The following TBXAS1 variants were observed in gnomAD, a reference collection of about 807,000 sequenced individuals.
TBXAS1 encodes thromboxane-A synthase.
A neutral mutation model predicts 60.7 loss-of-function variants in TBXAS1; 48 were observed. The observed-to-expected ratio is 0.79, with a 90% CI of 0.63 to 1.01. The LOEUF (loss-of-function observed/expected upper bound fraction) is 1.01, where lower values mean the gene tolerates loss of function less well. Ranked by LOEUF, TBXAS1 falls within the 50% of genes least tolerant of loss-of-function variation. TBXAS1 has a pLI of 0.00. For missense variants in TBXAS1, 685 were observed against 686.3 expected (o/e 1.00, Z 0.02); for synonymous variants, 287 against 269.7 (o/e 1.06, Z -0.63).
intron 4 of TBXAS1, among the ~76,000 whole-genome samples, chr7:139,922,961 G>T (rs757647129): frequency 1.6e-4 from 24 of 152,226 alleles, no homozygotes; most frequent in Non-Finnish European, 3.2e-4. Context: ...CCATTTCATT[G>T]GTCTTTTTGT....
At chr7:139,881,433 G>A (rs189922063) in intron 3 of TBXAS1, among the ~76,000 whole-genome samples, 34 of 152,110 alleles carry the variant, frequency 2.2e-4, no homozygotes, top group Admixed American at 2.1e-3. Flanking sequence ...TTTGGAAGAT[G>A]GAGTTAGGGA....
intron 4 of TBXAS1, among the ~76,000 whole-genome samples, chr7:139,912,829 C>T (rs1805643803): frequency 6.6e-6 from 1 of 152,230 alleles, no homozygotes; most frequent in Non-Finnish European, 1.5e-5. Flanking sequence ...GAGATGAGTA[C>T]AATTATCATC....
At chr7:139,899,040 T>C (rs1016134654) in intron 3 of TBXAS1, among the ~76,000 whole-genome samples, 28 of 151,600 alleles carry the variant, frequency 1.8e-4, no homozygotes, top group African/African-American at 6.5e-4. Flanking sequence ...AGAAGTCACA[T>C]GCGCTCATTA....
At chr7:139,816,413 G>A (rs1798148852) in intron 4 of TBXAS1, among the ~76,000 whole-genome samples, 1 of 152,196 alleles carries the variant, frequency 6.6e-6, no homozygotes, top group Non-Finnish European at 1.5e-5. Context: ...AAATACAGCA[G>A]CTTCTTCAGA....
chr7:139,955,312 C>T, intron 6 of TBXAS1, 147 bp from the exon 7 acceptor site: 1 of 1,059,572 alleles, frequency 9.4e-7, no homozygotes, highest in East Asian at 2.4e-5. Context: ...CACCTCCCCC[C>T]AGATCTGCAG....
At chr7:139,779,007 T>C (rs960836050) in intron 1 of TBXAS1, among the ~76,000 whole-genome samples, 1 of 152,202 alleles carries the variant, frequency 6.6e-6, no homozygotes, top group African/African-American at 2.4e-5. Flanking sequence ...TGGAATCCAA[T>C]AGAAAATATT....
chr7:139,833,600 A>T (rs1798861313), intron 1 of TBXAS1, among the ~76,000 whole-genome samples: 1 of 151,436 alleles, frequency 6.6e-6, no homozygotes, highest in Admixed American at 6.6e-5. Context: ...CAGGCGAATC[A>T]CTTAAATCTG....
In TBXAS1 at chr7:139,911,099, T is replaced by G; in HGVS notation, c.237-126T>G. On this transcript the variant is annotated intron_variant, in intron 3 of 12. Transcript: ENST00000448866. ...GCTTATGATTGGAACATATGTTTCC[T>G]CATCGTCTCCATACCTTTACTTCCT... The G allele has an allele frequency of 8.6e-6, 7 of 817,904 alleles. No homozygotes were observed. In the South Asian group the frequency reaches 9.7e-5, roughly 11 times the overall value. The allele number at this position is 817,904 out of a possible 1,614,324, so 50.7% of individuals were successfully genotyped here.
At chr7:139,816,303 G>A (rs925875056) in intron 4 of TBXAS1, among the ~76,000 whole-genome samples, 10 of 152,076 alleles carry the variant, frequency 6.6e-5, no homozygotes, top group Admixed American at 6.5e-4. Context: ...TAATACAGAT[G>A]GGAAGTCAGG....
chr7:139,848,752 C>T (rs1799998076), intron 1 of TBXAS1, among the ~76,000 whole-genome samples: 1 of 152,208 alleles, frequency 6.6e-6, no homozygotes, highest in Non-Finnish European at 1.5e-5. Context: ...AAGCAATCCA[C>T]ATGCCCAAGG....
At chr7:139,845,496 C>T (rs1462600095) in intron 1 of TBXAS1, among the ~76,000 whole-genome samples, 1 of 152,114 alleles carries the variant, frequency 6.6e-6, no homozygotes, top group East Asian at 1.9e-4. Context: ...TAGGTTCTTG[C>T]CCCAATGTAC....
intron 1 of TBXAS1, among the ~76,000 whole-genome samples, chr7:139,865,923 G>A (rs68092875): frequency 0.25 from 36,824 of 144,442 alleles, 5,122 homozygotes; most frequent in South Asian, 0.49. Context: ...GAAAGAGGGA[G>A]GGAAGGAAGG....
At chr7:139,818,804 G>A (rs1305968514) in intron 4 of TBXAS1, among the ~76,000 whole-genome samples, 5 of 152,124 alleles carry the variant, frequency 3.3e-5, no homozygotes, top group African/African-American at 7.2e-5. Context: ...ACACATAGAC[G>A]GCTCCAATGG....
At chr7:140,015,645 C>T in intron 10 of TBXAS1, 78 bp from the exon 11 acceptor site, 7 of 1,545,314 alleles carry the variant, frequency 4.5e-6, no homozygotes, top group Non-Finnish European at 6.2e-6. Context: ...CACACTCAGA[C>T]TCTGCCTGCC....
intron 4 of TBXAS1, among the ~76,000 whole-genome samples, chr7:139,788,801 A>G (rs1322661684): frequency 6.6e-6 from 1 of 152,252 alleles, no homozygotes; most frequent in East Asian, 1.9e-4. Context: ...GCCAGGTGTT[A>G]GACAACAGTT....
At chr7:139,962,270 C>T (rs1406795803) in intron 9 of TBXAS1, 37 bp downstream of exon 9, 1 of 1,609,726 alleles carries the variant, frequency 6.2e-7, no homozygotes, top group Non-Finnish European at 8.5e-7. Context: ...CATGGGATAT[C>T]CATAGGACAA....
intron 5 of TBXAS1, among the ~76,000 whole-genome samples, chr7:139,947,762 C>G (rs1226237736): frequency 6.6e-6 from 1 of 152,066 alleles, no homozygotes; most frequent in Non-Finnish European, 1.5e-5. Context: ...GCGAGAGGAA[C>G]AAAATGGGAA....
intron 4 of TBXAS1, among the ~76,000 whole-genome samples, chr7:139,800,778 C>A (rs1303522992): frequency 6.6e-6 from 1 of 151,932 alleles, no homozygotes; most frequent in Non-Finnish European, 1.5e-5. Flanking sequence ...GTGTTTGTGA[C>A]CTTCTCATAT....
chr7:139,968,357 C>A (rs957404047), intron 9 of TBXAS1, among the ~76,000 whole-genome samples: 1 of 152,130 alleles, frequency 6.6e-6, no homozygotes, highest in Non-Finnish European at 1.5e-5. Context: ...TGCAGTGGTG[C>A]AATCTTGGCT....
Sources: allele counts gnomAD v4.1 joint callset (sites outside exome capture counted in the v4.1 genomes callset), GRCh38; gene constraint gnomAD v4.1.1; transcripts MANE v1.5; gene names NCBI Gene and HGNC (gene_info 2026-07-23, HGNC 2026-07-21).